CACNA1C: variants seen among roughly 807,000 people sequenced by gnomAD.
The protein encoded by CACNA1C is calcium voltage-gated channel subunit alpha1 C.
CACNA1C carries 30 observed loss-of-function variants against 229.0 expected under a neutral mutation model. The observed-to-expected ratio is 0.13, with a 90% CI of 0.10 to 0.18. The LOEUF (loss-of-function observed/expected upper bound fraction) is 0.18. Among genes scored for constraint, CACNA1C ranks in the 10% least tolerant of loss-of-function variants. CACNA1C has a pLI of 1.00. For missense variants in CACNA1C, 1,658 were observed against 2,845.0 expected (o/e 0.58, Z 9.49); for synonymous variants, 1,114 against 1,132.5 (o/e 0.98, Z 0.33).
At chr12:2,421,981 G>A (rs2098983994) in intron 3 of CACNA1C, among the ~76,000 whole-genome samples, 1 of 151,884 alleles carries the variant, frequency 6.6e-6, no homozygotes, top group Admixed American at 6.6e-5. Flanking sequence ...CAACCTGGTA[G>A]TGAACAAAAT....
At chr12:2,191,464 T>C (rs1031453793) in intron 3 of CACNA1C, among the ~76,000 whole-genome samples, 18 of 152,150 alleles carry the variant, frequency 1.2e-4, no homozygotes, top group African/African-American at 4.1e-4. Context: ...GACTTTCCTT[T>C]TGCTGTGGAT....
intron 3 of CACNA1C, among the ~76,000 whole-genome samples, chr12:2,357,935 C>T (rs1309486300): frequency 6.8e-6 from 1 of 146,402 alleles, no homozygotes; most frequent in Non-Finnish European, 1.5e-5. Context: ...CATGCCATTG[C>T]TCTCCAGCTG....
chr12:2,233,315 T>C (rs1294119393), intron 3 of CACNA1C, among the ~76,000 whole-genome samples: 1 of 152,222 alleles, frequency 6.6e-6, no homozygotes, highest in Non-Finnish European at 1.5e-5. Context: ...TATGAATCAG[T>C]GTTATCCTTT....
chr12:2,180,034 G>A (rs998392883), intron 3 of CACNA1C, among the ~76,000 whole-genome samples: 3 of 152,174 alleles, frequency 2.0e-5, no homozygotes, highest in Non-Finnish European at 4.4e-5. Context: ...CCCTCCAACT[G>A]CCTCCTGAGC....
chr12:2,301,384 T>A (rs2094547103), intron 3 of CACNA1C, among the ~76,000 whole-genome samples: 1 of 152,164 alleles, frequency 6.6e-6, no homozygotes, highest in Non-Finnish European at 1.5e-5. Context: ...GGTCTTAATT[T>A]GGGGCCAGCA....
At chr12:2,535,468 G>T (rs1442203741) in intron 9 of CACNA1C, among the ~76,000 whole-genome samples, 1 of 151,864 alleles carries the variant, frequency 6.6e-6, no homozygotes, top group Non-Finnish European at 1.5e-5. Context: ...GGAGGGCGAG[G>T]TGGGATGATC....
In CACNA1C at chr12:2,072,858, C is replaced by T. The variant is rs188642982; in HGVS notation, c.49+19247C>T. Among the ~76,000 whole-genome samples the T allele has an allele frequency of 2.7e-3, 405 of 152,260 alleles. 1 individual carries two copies. The highest frequency in any genetic ancestry group is 7.8e-3 in the African/African-American group (326 of 41,536). ...AATCAATCCATGTTAAATGTGTGCT[C>T]ACTGTGAGCTTGGCACTGTAATAGC... On this transcript the variant is annotated intron_variant, in intron 1 of 46. Transcript: ENST00000399655.
intron 3 of CACNA1C, among the ~76,000 whole-genome samples, chr12:2,387,449 C>A (rs895432042): frequency 3.3e-5 from 5 of 151,956 alleles, no homozygotes; most frequent in Admixed American, 2.0e-4. Context: ...TGCACCACGG[C>A]ACTCCAGCCT....
intron 9 of CACNA1C, among the ~76,000 whole-genome samples, chr12:2,547,682 G>A (rs1374703804): frequency 1.3e-5 from 2 of 152,128 alleles, no homozygotes; most frequent in Non-Finnish European, 2.9e-5. Flanking sequence ...TTTGTGAAGG[G>A]ATGGCAACCT....
At chr12:2,026,395 A>G (rs1353935772) in intron 1 of CACNA1C, among the ~76,000 whole-genome samples, 3 of 152,166 alleles carry the variant, frequency 2.0e-5, no homozygotes, top group African/African-American at 7.2e-5. Context: ...TTTGGAGGGA[A>G]AAATTGATTG....
At chr12:2,078,149 G>C (rs2154037384) in intron 1 of CACNA1C, among the ~76,000 whole-genome samples, 1 of 152,264 alleles carries the variant, frequency 6.6e-6, no homozygotes, top group Admixed American at 6.5e-5. Flanking sequence ...AGTGCCCTTA[G>C]AAGAAGAAAC....
In CACNA1C at chr12:2,566,731, C is replaced by A; in HGVS notation, c.1669+149C>A. 1 of 604,498 alleles carries A rather than the reference C, an allele frequency of 1.7e-6. No homozygotes were observed. Among genetic ancestry groups the A allele is most frequent in the Non-Finnish European group, 2.8e-6 (1 of 357,878 alleles). The allele number at this position is 604,498 out of a possible 1,614,324, so 37.4% of individuals were successfully genotyped here. A position where few individuals can be genotyped will look rare whatever the true frequency, so the allele number is the denominator to read the frequency against. ...GGTGCTGTGCTGGAGACACCAAGGGCCTGGCAGTTCCAAAGCCCCACAATA... is the reference window on the plus strand; with the variant it reads ...GGTGCTGTGCTGGAGACACCAAGGGACTGGCAGTTCCAAAGCCCCACAATA... On this transcript the variant is annotated intron_variant, in intron 12 of 46. Transcript: ENST00000399655. The surrounding 1 kb of genome is among the most constrained non-coding windows in gnomAD (Gnocchi z 4.0).
At position 2,678,689 on chromosome 12, in the gene CACNA1C, C is replaced by A. The variant is rs910660123; in HGVS notation, c.5092-755C>A. On this transcript the variant is annotated intron_variant, in intron 41 of 46. Transcript: ENST00000399655. The surrounding 1 kb of genome is among the most constrained non-coding windows in gnomAD (Gnocchi z 4.1). ...CTCTTCCTCATCCTTATTCTTGTCA[C>A]TGGGAGACATTCGTCACTGAGTGGC... 6.6e-6 allele frequency among the ~76,000 whole-genome samples: 1 copy of A among 152,200 alleles called. No homozygotes were observed. Among genetic ancestry groups the A allele is most frequent in the African/African-American group, 2.4e-5 (1 of 41,458 alleles).
intron 3 of CACNA1C, among the ~76,000 whole-genome samples, chr12:2,303,936 T>C (rs1396617730): frequency 6.6e-6 from 1 of 152,224 alleles, no homozygotes; most frequent in Non-Finnish European, 1.5e-5. Flanking sequence ...CCAGTTCGTA[T>C]CTGCACATGG....
chr12:2,227,381 G>A (rs904230806), intron 3 of CACNA1C, among the ~76,000 whole-genome samples: 1 of 152,198 alleles, frequency 6.6e-6, no homozygotes, highest in African/African-American at 2.4e-5. Flanking sequence ...AGGGACTTGA[G>A]TTTGAATCTC....
At chr12:2,118,533 T>A (rs138426214) in intron 2 of CACNA1C, among the ~76,000 whole-genome samples, 2 of 152,248 alleles carry the variant, frequency 1.3e-5, no homozygotes, top group African/African-American at 4.8e-5. Context: ...CTCTGTGACC[T>A]GGCACAAGTT....
chr12:2,511,996 T>C (rs2099785208), intron 8 of CACNA1C, among the ~76,000 whole-genome samples: 1 of 152,180 alleles, frequency 6.6e-6, no homozygotes. Flanking sequence ...CCCCAGGACA[T>C]TTTCTTGTGT....
At chr12:2,622,115 A>G (rs1481414523) in intron 29 of CACNA1C, among the ~76,000 whole-genome samples, 1 of 152,180 alleles carries the variant, frequency 6.6e-6, no homozygotes, top group East Asian at 1.9e-4. Flanking sequence ...AGAAGAAAAT[A>G]TCATTCCCCA....
chr12:2,391,265 G>A (rs10491964), intron 3 of CACNA1C, among the ~76,000 whole-genome samples: 34,833 of 152,080 alleles, frequency 0.23, 4,600 homozygotes, highest in South Asian at 0.32. Flanking sequence ...TCCATTAGGA[G>A]TTTGTATCTA....
Sources: allele counts gnomAD v4.1 joint callset (sites outside exome capture counted in the v4.1 genomes callset), GRCh38; gene constraint gnomAD v4.1.1; non-coding constraint Gnocchi (gnomAD v3.1); transcripts MANE v1.5; gene names NCBI Gene and HGNC (gene_info 2026-07-23, HGNC 2026-07-21).